Variants in DAB1 observed in about 807,000 individuals in gnomAD.
DAB1 encodes the protein disabled homolog 1.
A neutral mutation model predicts 64.6 loss-of-function variants in DAB1; 15 were observed. The observed-to-expected ratio is 0.23, with a 90% CI of 0.16 to 0.36. The LOEUF is 0.36. Among genes scored for constraint, DAB1 ranks in the 10% least tolerant of loss-of-function variants. The pLI is 1.00. For missense variants in DAB1, 596 were observed against 706.7 expected (o/e 0.84, Z 1.78); for synonymous variants, 235 against 251.9 (o/e 0.93, Z 0.64).
In DAB1 at chr1:58,132,464, C is replaced by T. The variant is rs182158026; in HGVS notation, n.387+18047G>A. Among the ~76,000 whole-genome samples the T allele has an allele frequency of 3.7e-3, 563 of 152,256 alleles. 1 individual carries two copies. The highest frequency in any genetic ancestry group is 0.012 in the African/African-American group (499 of 41,556). ...GCTGTAGACTGGAGCTGTTCCTATTCGGCCATCTTGGCTCCTCCCCCCGGG... is the reference window on the plus strand; with the variant it reads ...GCTGTAGACTGGAGCTGTTCCTATTTGGCCATCTTGGCTCCTCCCCCCGGG... On this transcript the variant is annotated intron_variant and non_coding_transcript_variant, in intron 5 of 20. Coordinates refer to the DAB1 transcript ENST00000485760.
chr1:58,131,743 G>C (rs1314552569), intron 5 of DAB1, among the ~76,000 whole-genome samples: 1 of 113,594 alleles, frequency 8.8e-6, no homozygotes, highest in Non-Finnish European at 1.9e-5. Flanking sequence ...TGCCCCTGCT[G>C]GGGGGTGCCT....
rs117207584 is a variant in DAB1, at chr1:58,055,323, T to C, written n.387+95188A>G. Among the ~76,000 whole-genome samples, 387 of 152,270 alleles carry C rather than the reference T, an allele frequency of 2.5e-3. 5 individuals are homozygous for C. The East Asian group carries it at 0.056, about 22-fold the overall frequency. ...TGGCTTATAGCCTTTGTACTTGACC[T>C]TCCTTCTACCTGAAACTCTCATCCC... On this transcript the variant is annotated intron_variant and non_coding_transcript_variant, in intron 5 of 20. Coordinates refer to the DAB1 transcript ENST00000485760.
intron 5 of DAB1, among the ~76,000 whole-genome samples, chr1:58,084,263 T>A (rs898309872): frequency 6.6e-6 from 1 of 152,034 alleles, no homozygotes; most frequent in Non-Finnish European, 1.5e-5. Context: ...GCAGTCTTAT[T>A]ATTGTTGTTA....
rs113854312 is a variant in DAB1, at chr1:57,587,648, C to A, written n.625+61944G>T. ...ATTTTAAAGGGATTTACTGCTCCAGCCACTCTGCTGCAGGTCAGCTTAAAT... is the reference window on the plus strand; with the variant it reads ...ATTTTAAAGGGATTTACTGCTCCAGACACTCTGCTGCAGGTCAGCTTAAAT... On this transcript the variant is annotated intron_variant and non_coding_transcript_variant, in intron 7 of 20. Coordinates refer to the DAB1 transcript ENST00000485760. Among the ~76,000 whole-genome samples, 65 of 152,320 alleles carry A rather than the reference C, an allele frequency of 4.3e-4. 1 individual carries two copies. The highest frequency in any genetic ancestry group is 1.4e-3 in the African/African-American group (58 of 41,576).
chr1:58,459,591 T>TA (rs776851617), intron 3 of DAB1, among the ~76,000 whole-genome samples: 123 of 152,300 alleles, frequency 8.1e-4, no homozygotes, highest in Middle Eastern at 6.8e-3. Flanking sequence ...GGAACAAAAA[T>TA]AAGAGTGCAG....
chr1:58,332,391 C>T lies in DAB1; in HGVS notation n.309+10961G>A, dbSNP rs987588205. On this transcript the variant is annotated intron_variant and non_coding_transcript_variant, in intron 4 of 20. Coordinates refer to the DAB1 transcript ENST00000485760. Reference sequence around the variant, plus strand: ...GCAGCGTTTCGCCAAAGCTTTTCTCCATACAGGAATACCTTGGAGATGTTG... The same window carrying T: ...GCAGCGTTTCGCCAAAGCTTTTCTCTATACAGGAATACCTTGGAGATGTTG... Among the ~76,000 whole-genome samples, 4 of 152,100 alleles carry T rather than the reference C, an allele frequency of 2.6e-5. 1 individual carries two copies. Among genetic ancestry groups the T allele is most frequent in the African/African-American group, 9.7e-5 (4 of 41,426 alleles).
chr1:57,724,304 G>GGA (rs1557444218), intron 6 of DAB1, among the ~76,000 whole-genome samples: 358 of 131,370 alleles, frequency 2.7e-3, no homozygotes, highest in African/African-American at 0.011. Flanking sequence ...GGAAGGAAGG[G>GGA]AGGGAGGGAG....
chr1:57,026,094 T>G, intron 9 of DAB1, 51 bp from the exon 10 acceptor site: 1 of 1,400,158 alleles, frequency 7.1e-7, no homozygotes, highest in Non-Finnish European at 1.0e-6. Context: ...CTGGTGCTGC[T>G]GGGCCCTGCT....
chr1:57,798,613 G>A (rs564534216), intron 6 of DAB1, among the ~76,000 whole-genome samples: 2 of 152,308 alleles, frequency 1.3e-5, no homozygotes, highest in African/African-American at 2.4e-5. Context: ...GCTGGAAAAC[G>A]AGGCAACTAA....
In DAB1 at chr1:58,051,198, AG is replaced by A. The variant is rs751824327; in HGVS notation, n.387+99312del. On this transcript the variant is annotated intron_variant and non_coding_transcript_variant, in intron 5 of 20. Transcript: ENST00000485760. Reference sequence around the variant, plus strand: ...TTTCTCCTAATGCTATTCCTCCCCCAGCCCCCCAGCCCCCGATGGGCCCCAG... The same window carrying A: ...TTTCTCCTAATGCTATTCCTCCCCCACCCCCCAGCCCCCGATGGGCCCCAG... Among the ~76,000 whole-genome samples, 34 of 130,720 alleles carry A rather than the reference AG, an allele frequency of 2.6e-4. 1 individual carries two copies. Among genetic ancestry groups the A allele is most frequent in the Non-Finnish European group, 4.5e-4 (28 of 61,716 alleles). 85.8% of individuals were successfully genotyped at this position (130,720 alleles called of 152,430 possible). A position where few individuals can be genotyped will look rare whatever the true frequency, so the allele number is the denominator to read the frequency against.
intron 4 of DAB1, among the ~76,000 whole-genome samples, chr1:58,198,132 G>C (rs1657792759): frequency 6.6e-6 from 1 of 152,344 alleles, no homozygotes; most frequent in Non-Finnish European, 1.5e-5. Flanking sequence ...AGTCACGACA[G>C]CTGCATCCAG....
intron 5 of DAB1, among the ~76,000 whole-genome samples, chr1:58,063,632 A>AG (rs758408267): frequency 1.4e-4 from 21 of 152,200 alleles, no homozygotes; most frequent in Non-Finnish European, 2.8e-4. Flanking sequence ...CAGAGCCCTG[A>AG]GTTTTTATCT....
intron 5 of DAB1, among the ~76,000 whole-genome samples, chr1:58,025,452 A>G (rs1487600036): frequency 6.6e-6 from 1 of 151,650 alleles, no homozygotes; most frequent in African/African-American, 2.4e-5. Flanking sequence ...GAAACCAAAG[A>G]TCTGTCTGAT....
intron 4 of DAB1, among the ~76,000 whole-genome samples, chr1:58,151,106 G>C (rs1654908366): frequency 6.6e-6 from 1 of 152,138 alleles, no homozygotes. Flanking sequence ...TGGACATTTG[G>C]GTTGGTTCCA....
At chr1:57,724,858 T>C (rs1647190736) in intron 6 of DAB1, among the ~76,000 whole-genome samples, 1 of 152,320 alleles carries the variant, frequency 6.6e-6, no homozygotes, top group Middle Eastern at 3.4e-3. Context: ...CACTCCTTAG[T>C]GCCACCTATG....
At chr1:57,594,211 A>G (rs1645479577) in intron 7 of DAB1, among the ~76,000 whole-genome samples, 1 of 152,220 alleles carries the variant, frequency 6.6e-6, no homozygotes, top group Non-Finnish European at 1.5e-5. Flanking sequence ...TGCTCTACAT[A>G]TGAAAGCTAT....
At chr1:57,650,945 A>G (rs1646249056) in intron 6 of DAB1, among the ~76,000 whole-genome samples, 3 of 152,142 alleles carry the variant, frequency 2.0e-5, no homozygotes, top group Admixed American at 6.5e-5. Context: ...TTGTCATTCC[A>G]TCAATGTTTG....
chr1:57,775,346 G>A (rs1244034614), intron 6 of DAB1, among the ~76,000 whole-genome samples: 1 of 151,322 alleles, frequency 6.6e-6, no homozygotes, highest in Non-Finnish European at 1.5e-5. Context: ...CTCAAGGTGA[G>A]GAGTTAATAA....
At chr1:57,033,944 G>T (rs1411168858) in intron 9 of DAB1, among the ~76,000 whole-genome samples, 1 of 152,118 alleles carries the variant, frequency 6.6e-6, no homozygotes, top group Non-Finnish European at 1.5e-5. Context: ...CTTTACAGCT[G>T]GTTTCCATGT....
Sources: gnomAD v4.1 joint callset for allele counts (sites outside exome capture counted in the v4.1 genomes callset) on GRCh38, gnomAD v4.1.1 for gene constraint, MANE v1.5 for transcripts, NCBI Gene and HGNC (gene_info 2026-07-23, HGNC 2026-07-21) for gene names.